The following ZCWPW1 variants were observed in gnomAD, a reference collection of about 807,000 sequenced individuals.
The protein encoded by ZCWPW1 is zinc finger CW-type and PWWP domain containing 1.
ZCWPW1 carries 56 observed loss-of-function variants against 81.3 expected under a neutral mutation model. That is an observed-to-expected ratio of 0.69 (90% confidence interval 0.56 to 0.86). The LOEUF is 0.86. ZCWPW1 is among the 40% of genes least tolerant of loss of function. ZCWPW1 has a pLI of 0.00. For missense variants in ZCWPW1, 650 were observed against 769.8 expected, an observed-to-expected ratio of 0.84 and a Z score of 1.84; for synonymous variants, 250 against 273.7, an observed-to-expected ratio of 0.91 and a Z score of 0.86.
Position 100,416,396 on chromosome 7 carries a change from CT to C in ZCWPW1, c.539del (p.Glu180GlyfsTer2), listed in dbSNP as rs1245658837. 1.2e-6 allele frequency: 2 copies of C among 1,614,180 alleles called. No homozygotes were observed. The highest frequency in any genetic ancestry group is 2.2e-5 in the South Asian group (2 of 91,080). ...SVSWEGEAAP[E>X]IRTSKLGQPD... ...GCTGGCCTAACTTAGATGTCCTTAT[CT>C]CAGGGGCAGCTTCACCTTCCCAAGA... On this transcript the variant is annotated frameshift_variant, in exon 7 of 18. Transcript: ENST00000684423. LOFTEE classifies it high-confidence loss of function.
intron 8 of ZCWPW1, among the ~76,000 whole-genome samples, chr7:100,415,360 C>G (rs1795024834): frequency 6.6e-6 from 1 of 152,042 alleles, no homozygotes; most frequent in Admixed American, 6.6e-5. Flanking sequence ...GGATTACAAG[C>G]ATGAGCCACC....
At chr7:100,428,337 C>G (rs1798137248) in intron 1 of ZCWPW1, among the ~76,000 whole-genome samples, 1 of 152,248 alleles carries the variant, frequency 6.6e-6, no homozygotes, top group African/African-American at 2.4e-5. Context: ...CAACTGGAAA[C>G]AGCGTCTGCG....
At chr7:100,418,272 C>T (rs766828053) in intron 5 of ZCWPW1, among the ~76,000 whole-genome samples, 7 of 152,156 alleles carry the variant, frequency 4.6e-5, no homozygotes, top group Non-Finnish European at 7.4e-5. Flanking sequence ...AGGGTATGTA[C>T]CCTAAGTTTT....
At position 100,400,971 on chromosome 7, in the gene ZCWPW1, C is replaced by T. The variant is rs773970146; in HGVS notation, c.*43G>A. 1.3e-5 allele frequency: 20 copies of T among 1,538,708 alleles called. No homozygotes were observed. Among genetic ancestry groups the T allele is most frequent in the South Asian group, 2.5e-5 (2 of 80,616 alleles). Reference sequence around the variant, plus strand: ...AGCACTTAGCAACTTCTCCCTCCTGCGCCCCAGAGAAGGGAGAAAAAGAGG... The same window carrying T: ...AGCACTTAGCAACTTCTCCCTCCTGTGCCCCAGAGAAGGGAGAAAAAGAGG... On this transcript the variant is annotated 3_prime_UTR_variant, in exon 18 of 18. Transcript: ENST00000684423.
At chr7:100,421,085 G>A (rs1311790176) in intron 2 of ZCWPW1, among the ~76,000 whole-genome samples, 2 of 152,230 alleles carry the variant, frequency 1.3e-5, no homozygotes. Context: ...AGGAGGCGGA[G>A]GCTGCAGTGA....
At chr7:100,427,276 G>A (rs1048423648) in intron 1 of ZCWPW1, among the ~76,000 whole-genome samples, 2 of 103,086 alleles carry the variant, frequency 1.9e-5, no homozygotes, top group Non-Finnish European at 3.6e-5. Flanking sequence ...TTCTTCCTTC[G>A]TGTTTGTGCA....
At chr7:100,401,834 G>A (rs1791964726) in intron 17 of ZCWPW1, 55 bp downstream of exon 17, 1 of 1,540,826 alleles carries the variant, frequency 6.5e-7, no homozygotes, top group Non-Finnish European at 8.7e-7. Flanking sequence ...TCAGGGAGGG[G>A]AGATGCTGAC....
At chr7:100,413,607 A>G (rs76830541) in intron 8 of ZCWPW1, among the ~76,000 whole-genome samples, 27 of 152,356 alleles carry the variant, frequency 1.8e-4, no homozygotes, top group African/African-American at 6.0e-4. Flanking sequence ...AGAAATGGGA[A>G]GAATGGTTTA....
intron 10 of ZCWPW1, 94 bp downstream of exon 10, chr7:100,408,445 C>G (rs1012875536): frequency 6.6e-7 from 1 of 1,511,560 alleles, no homozygotes; most frequent in African/African-American, 1.4e-5. Flanking sequence ...AGAACCATTT[C>G]AATTACAGAT....
chr7:100,414,044 C>G (rs1427885498), intron 8 of ZCWPW1, among the ~76,000 whole-genome samples: 1 of 152,160 alleles, frequency 6.6e-6, no homozygotes, highest in Non-Finnish European at 1.5e-5. Flanking sequence ...AAAAGAAAAA[C>G]CTTTTAGTTT....
chr7:100,402,582 G>A lies in ZCWPW1; in HGVS notation c.1414-6C>T. 1 of 1,614,004 alleles carries A rather than the reference G, an allele frequency of 6.2e-7. No individual in the cohort carries two copies. The highest frequency in any genetic ancestry group is 1.3e-5 in the African/African-American group (1 of 75,048). On this transcript the variant is annotated splice_region_variant and splice_polypyrimidine_tract_variant and intron_variant, in intron 15 of 17. Transcript: ENST00000684423. The stretch of plus-strand genomic sequence containing the variant: ...CGAATGGGCAAAATTGGGTCCTGAG[G>A]ATGGGAGAGAAAGTTTAAAAAAATG...
chr7:100,404,036 T>A, intron 14 of ZCWPW1, 142 bp downstream of exon 14: 2 of 910,882 alleles, frequency 2.2e-6, no homozygotes, highest in Non-Finnish European at 3.3e-6. Flanking sequence ...ACTGGGTCAA[T>A]GACATTCACA....
At chr7:100,425,890 CA>C (rs1296100395) in intron 1 of ZCWPW1, among the ~76,000 whole-genome samples, 2 of 152,142 alleles carry the variant, frequency 1.3e-5, no homozygotes, top group Non-Finnish European at 2.9e-5. Flanking sequence ...TTAGTATCAA[CA>C]GATACAAACC....
chr7:100,401,808 A>T, intron 17 of ZCWPW1, 81 bp downstream of exon 17: 5 of 1,505,274 alleles, frequency 3.3e-6, no homozygotes, highest in Non-Finnish European at 4.5e-6. Flanking sequence ...AAGCTGTAAA[A>T]TGGTTAAGAA....
chr7:100,416,560 C>G (rs369172991), intron 6 of ZCWPW1, 104 bp from the exon 7 acceptor site: 5 of 1,224,424 alleles, frequency 4.1e-6, no homozygotes. Context: ...ATCCTAAGCT[C>G]TCTAAGACCT....
At chr7:100,405,683 G>A (rs1792863111) in intron 12 of ZCWPW1, among the ~76,000 whole-genome samples, 1 of 152,154 alleles carries the variant, frequency 6.6e-6, no homozygotes, top group South Asian at 2.1e-4. Flanking sequence ...CCAGGCTGGA[G>A]TGCAGTGGTG....
intron 10 of ZCWPW1, 99 bp from the exon 11 acceptor site, chr7:100,407,402 T>C (rs1004885764): frequency 3.8e-5 from 43 of 1,122,456 alleles, no homozygotes; most frequent in Non-Finnish European, 4.9e-5. Context: ...GCAGTATGAT[T>C]TTTTTTCTGA....
chr7:100,404,275 C>G (rs1177952512), intron 13 of ZCWPW1, 31 bp from the exon 14 acceptor site: 1 of 1,606,908 alleles, frequency 6.2e-7, no homozygotes, highest in Non-Finnish European at 8.5e-7. Context: ...AAGCATCATC[C>G]ACTACCCTTT....
chr7:100,422,446 T>C (rs542230322), intron 2 of ZCWPW1, among the ~76,000 whole-genome samples: 2 of 152,348 alleles, frequency 1.3e-5, no homozygotes, highest in Admixed American at 6.5e-5. Flanking sequence ...AATTAGTATC[T>C]ACACAGCTAC....
Sources: allele counts gnomAD v4.1 joint callset (sites outside exome capture counted in the v4.1 genomes callset), GRCh38; gene constraint gnomAD v4.1.1; transcripts MANE v1.5; gene names NCBI Gene and HGNC (gene_info 2026-07-23, HGNC 2026-07-21).